FOCAD: variants seen among roughly 807,000 people sequenced by gnomAD.
FOCAD encodes the protein focadhesin, also known as KIAA1797.
FOCAD carries 198 observed loss-of-function variants against 225.6 expected under a neutral mutation model. The ratio of observed to expected loss-of-function variants is 0.88; its 90% CI spans 0.78 to 0.99. FOCAD has a LOEUF of 0.99. Ranked by LOEUF, FOCAD falls within the 50% of genes least tolerant of loss-of-function variation. FOCAD has a pLI of 0.00. For missense variants in FOCAD, 2,713 were observed against 2,123.6 expected, an observed-to-expected ratio of 1.28 and a Z score of -5.46; for synonymous variants, 897 against 755.0, an observed-to-expected ratio of 1.19 and a Z score of -3.08.
intron 11 of FOCAD, among the ~76,000 whole-genome samples, chr9:20,816,139 A>G (rs1587282016): frequency 1.3e-5 from 2 of 152,220 alleles, no homozygotes; most frequent in East Asian, 3.9e-4. Context: ...TCATAAAGGA[A>G]CTGTGTACTC....
chr9:20,730,550 A>G (rs1826600765), intron 4 of FOCAD, among the ~76,000 whole-genome samples: 1 of 151,992 alleles, frequency 6.6e-6, no homozygotes, highest in African/African-American at 2.4e-5. Context: ...TTTTGGATCC[A>G]CTCTTTAGAA....
At chr9:20,668,890 TC>T (rs1401906750) in intron 2 of FOCAD, among the ~76,000 whole-genome samples, 1 of 151,452 alleles carries the variant, frequency 6.6e-6, no homozygotes, top group Non-Finnish European at 1.5e-5. Flanking sequence ...CCCATCCTGT[TC>T]CCAGGCTGTG....
At chr9:20,717,500 T>C (rs1825432200) in intron 2 of FOCAD, among the ~76,000 whole-genome samples, 1 of 152,216 alleles carries the variant, frequency 6.6e-6, no homozygotes, top group African/African-American at 2.4e-5. Flanking sequence ...TCTCAAGTTA[T>C]CTTCTGATAC....
At chr9:20,791,169 T>G (rs1820487476) in intron 11 of FOCAD, among the ~76,000 whole-genome samples, 1 of 151,944 alleles carries the variant, frequency 6.6e-6, no homozygotes, top group Non-Finnish European at 1.5e-5. Flanking sequence ...TACCTTGATC[T>G]GTCTACACCA....
At chr9:20,742,138 G>C (rs1412522714) in intron 5 of FOCAD, among the ~76,000 whole-genome samples, 1 of 152,152 alleles carries the variant, frequency 6.6e-6, no homozygotes, top group Admixed American at 6.6e-5. Context: ...TCTCAGGGAA[G>C]TATTTTTAGT....
At chr9:20,749,276 T>C (rs779494505) in intron 5 of FOCAD, among the ~76,000 whole-genome samples, 1 of 152,158 alleles carries the variant, frequency 6.6e-6, no homozygotes, top group Non-Finnish European at 1.5e-5. Flanking sequence ...CTCTGCCTTA[T>C]AGACTCAAAG....
At chr9:20,960,380 T>A (rs1353092810) in intron 35 of FOCAD, among the ~76,000 whole-genome samples, 1 of 152,198 alleles carries the variant, frequency 6.6e-6, no homozygotes, top group African/African-American at 2.4e-5. Flanking sequence ...TTGGATAAGA[T>A]GTTGTCTTCT....
intron 8 of FOCAD, among the ~76,000 whole-genome samples, chr9:20,777,822 G>T (rs1034380362): frequency 3.9e-5 from 6 of 152,050 alleles, no homozygotes; most frequent in African/African-American, 1.4e-4. Flanking sequence ...GACTGTTTAG[G>T]CCGGGCTCGG....
chr9:20,904,463 A>G (rs1018352560), intron 21 of FOCAD, among the ~76,000 whole-genome samples: 3 of 151,860 alleles, frequency 2.0e-5, no homozygotes, highest in Non-Finnish European at 2.9e-5. Context: ...TAACCACCCT[A>G]TTTAACCCTG....
At chr9:20,955,967 C>A (rs1838100025) in intron 35 of FOCAD, among the ~76,000 whole-genome samples, 1 of 152,118 alleles carries the variant, frequency 6.6e-6, no homozygotes, top group Non-Finnish European at 1.5e-5. Context: ...GTGGCTAACA[C>A]TTTCTAAGCT....
chr9:20,977,192 A>G (rs1351615844), intron 36 of FOCAD, among the ~76,000 whole-genome samples: 1 of 152,180 alleles, frequency 6.6e-6, no homozygotes, highest in African/African-American at 2.4e-5. Context: ...GGTTCTCTGT[A>G]GCCAGGAAAG....
At chr9:20,849,970 A>G (rs888117730) in intron 15 of FOCAD, among the ~76,000 whole-genome samples, 2 of 151,870 alleles carry the variant, frequency 1.3e-5, no homozygotes, top group African/African-American at 4.8e-5. Context: ...TTATCAAGGA[A>G]CCATCTTGCT....
At chr9:20,872,665 A>G (rs1438751067) in intron 18 of FOCAD, 1 of 150,560 alleles carries the variant, frequency 6.6e-6, no homozygotes, top group Non-Finnish European at 1.5e-5. Flanking sequence ...TTGACATATG[A>G]TTCATATACT....
chr9:20,686,220 G>A (rs1328076090), intron 1 of FOCAD, among the ~76,000 whole-genome samples: 2 of 152,144 alleles, frequency 1.3e-5, no homozygotes, highest in African/African-American at 2.4e-5. Context: ...GCAGTGCTGC[G>A]ATCTCGGCTC....
chr9:20,659,721 T>C (rs1277032144), intron 2 of FOCAD, among the ~76,000 whole-genome samples: 2 of 152,208 alleles, frequency 1.3e-5, no homozygotes, highest in African/African-American at 4.8e-5. Context: ...CAAACTAATG[T>C]AGTAATAGTC....
At chr9:20,966,085 G>A (rs1372107684) in intron 35 of FOCAD, among the ~76,000 whole-genome samples, 2 of 151,988 alleles carry the variant, frequency 1.3e-5, no homozygotes, top group Non-Finnish European at 1.5e-5. Context: ...TGGTAATTCT[G>A]CTTAACTTTT....
intron 4 of FOCAD, among the ~76,000 whole-genome samples, chr9:20,731,662 G>GGCTGGAGT (rs1191858193): frequency 1.3e-5 from 2 of 152,120 alleles, no homozygotes; most frequent in Admixed American, 6.6e-5. Flanking sequence ...TTGTTGCCCA[G>GGCTGGAGT]GCTGGAGTGC....
intron 1 of FOCAD, among the ~76,000 whole-genome samples, chr9:20,690,941 G>T (rs2131346000): frequency 6.8e-6 from 1 of 147,368 alleles, no homozygotes; most frequent in South Asian, 2.1e-4. Context: ...GTCACTCTCT[G>T]CTTCTTTATT....
intron 3 of FOCAD, among the ~76,000 whole-genome samples, chr9:20,718,406 C>T (rs1181493284): frequency 6.6e-6 from 1 of 151,954 alleles, no homozygotes; most frequent in Non-Finnish European, 1.5e-5. Flanking sequence ...TTTGGTTGAT[C>T]AGTGTTGTGT....
Sources: allele counts gnomAD v4.1 joint callset (sites outside exome capture counted in the v4.1 genomes callset), GRCh38; gene constraint gnomAD v4.1.1; transcripts MANE v1.5; gene names NCBI Gene and HGNC (gene_info 2026-07-23, HGNC 2026-07-21).